Variants in CELF2 observed in about 807,000 individuals in gnomAD.
The protein encoded by CELF2 is CUGBP Elav-like family member 2.
A neutral mutation model predicts 62.6 loss-of-function variants in CELF2; 8 were observed. That is an observed-to-expected ratio of 0.13 (90% CI 0.07 to 0.23). The LOEUF (loss-of-function observed/expected upper bound fraction) is 0.23. CELF2 is among the 10% of genes least tolerant of loss of function. The pLI, the probability that CELF2 is intolerant of heterozygous loss-of-function variation, is 1.00. For missense variants in CELF2, 333 were observed against 671.0 expected (o/e 0.50, Z 5.56); for synonymous variants, 258 against 250.0 (o/e 1.03, Z -0.30).
At chr10:10,653,873 A>G in the CELF2 span, among the ~76,000 whole-genome samples, 1 of 151,726 alleles carries the variant, frequency 6.6e-6, no homozygotes, top group Non-Finnish European at 1.5e-5. Context: ...AAATCAGAGC[A>G]GAATTGAAGG....
At chr10:10,907,364 C>T (rs527956324) in intron 1 of CELF2, among the ~76,000 whole-genome samples, 47 of 152,098 alleles carry the variant, frequency 3.1e-4, no homozygotes, top group Admixed American at 2.8e-3. Flanking sequence ...TTATTTGAGA[C>T]GTTATAAGGA....
At chr10:10,744,146 T>C in the CELF2 span, among the ~76,000 whole-genome samples, 1 of 152,282 alleles carries the variant, frequency 6.6e-6, no homozygotes, top group South Asian at 2.1e-4. Flanking sequence ...CTCAAGCCCA[T>C]GTATACGAGT....
chr10:10,488,624 AAG>A, the CELF2 span, among the ~76,000 whole-genome samples: 79 of 152,278 alleles, frequency 5.2e-4, 1 homozygote, highest in African/African-American at 1.7e-3. Context: ...TTAATTGCTC[AAG>A]AAATGGCAGG....
At chr10:11,034,696 G>A (rs377619467) in intron 1 of CELF2, among the ~76,000 whole-genome samples, 1 of 152,290 alleles carries the variant, frequency 6.6e-6, no homozygotes, top group East Asian at 1.9e-4. Context: ...AGTGGTGGTG[G>A]TGCACTGCTC....
At chr10:10,722,440 G>A in the CELF2 span, among the ~76,000 whole-genome samples, 2 of 152,196 alleles carry the variant, frequency 1.3e-5, no homozygotes, top group African/African-American at 4.8e-5. Flanking sequence ...ATAAGAATTT[G>A]CATTGCTTAA....
At chr10:10,501,155 G>C in the CELF2 span, among the ~76,000 whole-genome samples, 1 of 152,166 alleles carries the variant, frequency 6.6e-6, no homozygotes, top group Non-Finnish European at 1.5e-5. Context: ...CAGGGTATTT[G>C]CATGTTTAGT....
chr10:11,141,036 C>G (rs1385549031), intron 1 of CELF2, among the ~76,000 whole-genome samples: 1 of 152,152 alleles, frequency 6.6e-6, no homozygotes, highest in Non-Finnish European at 1.5e-5. Flanking sequence ...AGCATAGTTG[C>G]TAACTTTTGT....
intron 2 of CELF2, among the ~76,000 whole-genome samples, chr10:10,943,574 C>G (rs2047288556): frequency 6.6e-6 from 1 of 152,144 alleles, no homozygotes; most frequent in Admixed American, 6.5e-5. Flanking sequence ...GCTATATCAG[C>G]TACCAAACAT....
At chr10:10,703,308 C>T in the CELF2 span, among the ~76,000 whole-genome samples, 1 of 152,170 alleles carries the variant, frequency 6.6e-6, no homozygotes, top group Non-Finnish European at 1.5e-5. Flanking sequence ...GCATTCAGAA[C>T]ATGACTCAGC....
the CELF2 span, among the ~76,000 whole-genome samples, chr10:10,780,655 A>G: frequency 2.0e-5 from 3 of 152,108 alleles, no homozygotes; most frequent in Middle Eastern, 3.4e-3. Context: ...TAATTTTTGT[A>G]TTTTTAATAG....
the CELF2 span, chr10:10,792,616 G>C: frequency 1.0e-5 from 4 of 392,322 alleles, no homozygotes; most frequent in Admixed American, 1.8e-4. Flanking sequence ...AATGTTTCAG[G>C]TGTGATTCCC....
chr10:11,175,768 G>A (rs909612519), intron 2 of CELF2, among the ~76,000 whole-genome samples: 2 of 152,160 alleles, frequency 1.3e-5, no homozygotes, highest in African/African-American at 2.4e-5. Flanking sequence ...ATGTGGTGCC[G>A]GCAGCTGACA....
At chr10:10,923,838 A>G (rs2065157484) in intron 2 of CELF2, 1 of 152,254 alleles carries the variant, frequency 6.6e-6, no homozygotes, top group African/African-American at 2.4e-5. Flanking sequence ...TTTTTGAACT[A>G]TGAAAACAAT....
chr10:10,742,663 G>A, the CELF2 span, among the ~76,000 whole-genome samples: 2 of 151,868 alleles, frequency 1.3e-5, no homozygotes, highest in Admixed American at 1.3e-4. Context: ...GAAGAAAAGT[G>A]ATAAAAGTTT....
At chr10:10,500,158 T>C in the CELF2 span, among the ~76,000 whole-genome samples, 2 of 152,216 alleles carry the variant, frequency 1.3e-5, no homozygotes, top group Non-Finnish European at 2.9e-5. Flanking sequence ...TGAGATAGGA[T>C]CCATCTTACT....
the CELF2 span, among the ~76,000 whole-genome samples, chr10:10,607,053 G>C: frequency 6.6e-6 from 1 of 152,188 alleles, no homozygotes. Flanking sequence ...TCATCGTGGT[G>C]TTATGTGCTC....
At position 11,224,215 on chromosome 10, in the gene CELF2, T is replaced by C. The variant is rs1366731969; in HGVS notation, c.354+6708T>C. On this transcript the variant is annotated intron_variant, in intron 3 of 12. Transcript: ENST00000633077. The surrounding 1 kb of genome is among the most constrained non-coding windows in gnomAD (Gnocchi z 4.5). ...ATGTTTAGTTTTGCAAACAACGTAGTCTCAGCTATATCCCTAATTAATAGG... is the reference window on the plus strand; with the variant it reads ...ATGTTTAGTTTTGCAAACAACGTAGCCTCAGCTATATCCCTAATTAATAGG... 6.6e-6 allele frequency among the ~76,000 whole-genome samples: 1 copy of C among 152,200 alleles called. No homozygotes were observed. The highest frequency in any genetic ancestry group is 1.5e-5 in the Non-Finnish European group (1 of 68,044).
At chr10:10,464,366 A>C in the CELF2 span, among the ~76,000 whole-genome samples, 1 of 152,182 alleles carries the variant, frequency 6.6e-6, no homozygotes, top group African/African-American at 2.4e-5. Context: ...CTTTCCATAG[A>C]ATCAGTGACT....
chr10:10,960,262 G>A (rs900579561), intron 2 of CELF2: 20 of 152,206 alleles, frequency 1.3e-4, no homozygotes, highest in African/African-American at 4.8e-4. Context: ...CCTTGTGGCA[G>A]GAAAAGTCTT....
Sources: gnomAD v4.1 joint callset for allele counts (sites outside exome capture counted in the v4.1 genomes callset) on GRCh38, gnomAD v4.1.1 for gene constraint, Gnocchi (gnomAD v3.1) non-coding constraint, MANE v1.5 for transcripts, NCBI Gene and HGNC (gene_info 2026-07-23, HGNC 2026-07-21) for gene names.